The following LINGO2 variants were observed in gnomAD, a reference collection of about 807,000 sequenced individuals.
LINGO2 encodes the protein leucine-rich repeat and immunoglobulin-like domain-containing nogo receptor-interacting protein 2.
In LINGO2, 14 loss-of-function variants were observed where a neutral mutation model predicts 30.6. That is an observed-to-expected ratio of 0.46 (90% confidence interval 0.30 to 0.72). LINGO2 has a LOEUF of 0.72. Ranked by LOEUF, LINGO2 falls within the 30% of genes least tolerant of loss-of-function variation. LINGO2 has a pLI of 0.07. For synonymous variants in LINGO2, 317 were observed against 288.5 expected, an observed-to-expected ratio of 1.10 and a Z score of -1.00; for missense variants, 729 against 751.7, an observed-to-expected ratio of 0.97 and a Z score of 0.35.
At chr9:29,102,557 G>A in the LINGO2 span, among the ~76,000 whole-genome samples, 1 of 152,094 alleles carries the variant, frequency 6.6e-6, no homozygotes, top group Non-Finnish European at 1.5e-5. Flanking sequence ...AGAATAATGA[G>A]GTTTGAGTTT....
At chr9:28,275,339 C>T (rs557165425) in intron 4 of LINGO2, among the ~76,000 whole-genome samples, 3 of 152,232 alleles carry the variant, frequency 2.0e-5, no homozygotes, top group South Asian at 2.1e-4. Context: ...TCCCAAAGTG[C>T]TGGGATTACA....
the LINGO2 span, among the ~76,000 whole-genome samples, chr9:29,188,014 CT>C: frequency 0.13 from 10,038 of 75,796 alleles, 337 homozygotes; most frequent in Non-Finnish European, 0.15. Context: ...TTGACAGAGT[CT>C]TTTTTTTTTT....
intron 1 of LINGO2, among the ~76,000 whole-genome samples, chr9:28,649,821 A>T (rs1828009992): frequency 6.6e-6 from 1 of 152,174 alleles, no homozygotes; most frequent in South Asian, 2.1e-4. Flanking sequence ...AATGTGAAAC[A>T]AACAGAAAAA....
chr9:28,434,496 T>TAAGAG, intron 2 of LINGO2, among the ~76,000 whole-genome samples: 1 of 147,000 alleles, frequency 6.8e-6, no homozygotes, highest in East Asian at 2.0e-4. Context: ...ATCTATCTTG[T>TAAGAG]AAGAGCACTG....
the LINGO2 span, among the ~76,000 whole-genome samples, chr9:28,884,975 TA>T: frequency 9.4e-5 from 1 of 10,620 alleles, no homozygotes; most frequent in African/African-American, 3.2e-4. Context: ...ATATATAATA[TA>T]TATAATATAT....
intron 2 of LINGO2, among the ~76,000 whole-genome samples, chr9:28,383,111 T>G (rs559965331): frequency 1.2e-3 from 183 of 152,156 alleles, no homozygotes; most frequent in Middle Eastern, 3.4e-3. Context: ...AATTTTTTCA[T>G]GTATAGCTCC....
the LINGO2 span, among the ~76,000 whole-genome samples, chr9:29,003,032 C>T: frequency 2.6e-4 from 39 of 151,882 alleles, no homozygotes; most frequent in African/African-American, 9.2e-4. Flanking sequence ...CAGACAAAGA[C>T]GATGAACACT....
chr9:28,232,718 C>A (rs572849661), intron 4 of LINGO2, among the ~76,000 whole-genome samples: 1 of 151,868 alleles, frequency 6.6e-6, no homozygotes, highest in South Asian at 2.1e-4. Context: ...ACATATTCAT[C>A]CTGTTTAATT....
chr9:29,183,561 A>C, the LINGO2 span, among the ~76,000 whole-genome samples: 1 of 152,190 alleles, frequency 6.6e-6, no homozygotes, highest in African/African-American at 2.4e-5. Context: ...AGTGATAGTT[A>C]ACAGACGGAC....
the LINGO2 span, chr9:27,942,092 T>A: frequency 2.0e-5 from 3 of 152,188 alleles, no homozygotes; most frequent in African/African-American, 7.2e-5. Context: ...AAGTAGAATA[T>A]CTTTAGAGTG....
At chr9:28,880,139 C>A in the LINGO2 span, among the ~76,000 whole-genome samples, 12 of 152,124 alleles carry the variant, frequency 7.9e-5, no homozygotes, top group Non-Finnish European at 1.8e-4. Context: ...GACTGAGTCT[C>A]GCTCTGTCGC....
chr9:28,605,358 G>A (rs989126764), intron 1 of LINGO2, among the ~76,000 whole-genome samples: 9 of 151,666 alleles, frequency 5.9e-5, no homozygotes, highest in Non-Finnish European at 1.2e-4. Flanking sequence ...CTACTGGACC[G>A]TATTTCACTA....
chr9:29,195,985 T>A, the LINGO2 span, among the ~76,000 whole-genome samples: 1 of 152,098 alleles, frequency 6.6e-6, no homozygotes, highest in Non-Finnish European at 1.5e-5. Context: ...GAAAATAAAA[T>A]CACACGAATC....
At chr9:28,223,903 T>C (rs569456828) in intron 4 of LINGO2, among the ~76,000 whole-genome samples, 5 of 152,256 alleles carry the variant, frequency 3.3e-5, no homozygotes, top group East Asian at 3.9e-4. Context: ...ATGGGTTTTG[T>C]AGTAGATATT....
chr9:28,379,407 A>G (rs1821254636), intron 2 of LINGO2, among the ~76,000 whole-genome samples: 1 of 152,096 alleles, frequency 6.6e-6, no homozygotes, highest in African/African-American at 2.4e-5. Context: ...TGTGGTTCAA[A>G]GAGCACTGTA....
intron 1 of LINGO2, among the ~76,000 whole-genome samples, chr9:28,578,286 G>A (rs956981737): frequency 6.6e-6 from 1 of 152,074 alleles, no homozygotes; most frequent in African/African-American, 2.4e-5. Context: ...GAGGTGGGGA[G>A]GTGGGTAATG....
chr9:28,014,157 A>G (rs1429317130), intron 4 of LINGO2, among the ~76,000 whole-genome samples: 1 of 152,180 alleles, frequency 6.6e-6, no homozygotes, highest in Non-Finnish European at 1.5e-5. Flanking sequence ...TAATTCTTAG[A>G]AACACATGAA....
At chr9:28,703,558 C>T in the LINGO2 span, among the ~76,000 whole-genome samples, 1 of 151,478 alleles carries the variant, frequency 6.6e-6, no homozygotes, top group Non-Finnish European at 1.5e-5. Context: ...TTGAAAAAAA[C>T]GTGTATTTCC....
the LINGO2 span, among the ~76,000 whole-genome samples, chr9:28,916,835 G>A: frequency 6.6e-6 from 1 of 152,268 alleles, no homozygotes; most frequent in African/African-American, 2.4e-5. Context: ...TTTTAAATAG[G>A]TGTATATTCT....
Sources: gnomAD v4.1 joint callset for allele counts (sites outside exome capture counted in the v4.1 genomes callset) on GRCh38, gnomAD v4.1.1 for gene constraint, MANE v1.5 for transcripts, NCBI Gene and HGNC (gene_info 2026-07-23, HGNC 2026-07-21) for gene names.